SETBP1: variants seen among roughly 807,000 people sequenced by gnomAD.
The protein encoded by SETBP1 is SET-binding protein.
In SETBP1, 9 loss-of-function variants were observed where a neutral mutation model predicts 101.0. The ratio of observed to expected loss-of-function variants is 0.09; its 90% CI spans 0.05 to 0.16. SETBP1 has a LOEUF of 0.16. SETBP1 is among the 10% of genes least tolerant of loss of function. The probability of loss-of-function intolerance (pLI) is 1.00; values close to 1 mark genes in which losing one functional copy is unlikely to be tolerated. For missense variants in SETBP1, 1,858 were observed against 2,033.8 expected, an observed-to-expected ratio of 0.91 and a Z score of 1.66; for synonymous variants, 818 against 788.5, an observed-to-expected ratio of 1.04 and a Z score of -0.63.
intron 2 of SETBP1, among the ~76,000 whole-genome samples, chr18:44,819,870 A>G (rs748456689): frequency 6.6e-6 from 1 of 152,250 alleles, no homozygotes; most frequent in Non-Finnish European, 1.5e-5. Flanking sequence ...TCTTGAAGAC[A>G]AGGCAAATTG....
At chr18:44,876,817 G>T in intron 3 of SETBP1, 2 of 1,439,180 alleles carry the variant, frequency 1.4e-6, no homozygotes, top group South Asian at 1.6e-5. Context: ...TTCAACAATG[G>T]AGACTTGCCC....
intron 2 of SETBP1, among the ~76,000 whole-genome samples, chr18:44,762,646 T>C (rs1379216077): frequency 6.6e-6 from 1 of 152,156 alleles, no homozygotes; most frequent in African/African-American, 2.4e-5. Flanking sequence ...AGGCTGGGAA[T>C]GTGGGAGTGG....
intron 2 of SETBP1, among the ~76,000 whole-genome samples, chr18:44,710,689 A>G (rs1568102785): frequency 6.6e-6 from 1 of 152,132 alleles, no homozygotes; most frequent in Non-Finnish European, 1.5e-5. Flanking sequence ...TGACCTCGTG[A>G]TCTGCCCACC....
At chr18:44,882,260 T>C (rs1308064767) in intron 3 of SETBP1, among the ~76,000 whole-genome samples, 1 of 152,168 alleles carries the variant, frequency 6.6e-6, no homozygotes, top group Admixed American at 6.5e-5. Flanking sequence ...TGGCTGCCAC[T>C]ACTTTGAGGA....
chr18:44,770,434 T>G (rs2070847935), intron 2 of SETBP1, among the ~76,000 whole-genome samples: 1 of 152,236 alleles, frequency 6.6e-6, no homozygotes, highest in South Asian at 2.1e-4. Context: ...TTATTTGGTT[T>G]ATTTTTAACC....
Position 45,051,538 on chromosome 18 carries a change from C to A in SETBP1, c.4172-11541C>A, listed in dbSNP as rs111493912. Among the ~76,000 whole-genome samples the A allele has an allele frequency of 1.9e-3, 283 of 152,184 alleles. 1 individual carries two copies. Among genetic ancestry groups the A allele is most frequent in the Non-Finnish European group, 3.6e-3 (242 of 67,996 alleles). ...TATATGGGAAACCTCTGTCTCTGTA[C>A]CTTCAGTTTAATTTGGCTATGAATC... On this transcript the variant is annotated intron_variant, in intron 5 of 5. Transcript: ENST00000649279.
intron 3 of SETBP1, among the ~76,000 whole-genome samples, chr18:44,926,940 G>A (rs772894021): frequency 4.6e-5 from 7 of 152,104 alleles, no homozygotes; most frequent in Non-Finnish European, 7.4e-5. Context: ...TGGGCTTGCC[G>A]GGTGCCCAGA....
At chr18:44,812,877 T>G (rs1180622711) in intron 2 of SETBP1, among the ~76,000 whole-genome samples, 1 of 152,192 alleles carries the variant, frequency 6.6e-6, no homozygotes, top group African/African-American at 2.4e-5. Flanking sequence ...TTTCTCTTAT[T>G]TCAAGATTAT....
intron 4 of SETBP1, among the ~76,000 whole-genome samples, chr18:44,996,363 G>A (rs900155109): frequency 2.0e-5 from 3 of 152,230 alleles, no homozygotes; most frequent in Non-Finnish European, 4.4e-5. Flanking sequence ...TAGGAGAAGA[G>A]GAACTTGTGG....
At chr18:44,762,383 A>T (rs1295081210) in intron 2 of SETBP1, among the ~76,000 whole-genome samples, 1 of 152,174 alleles carries the variant, frequency 6.6e-6, no homozygotes, top group East Asian at 1.9e-4. Context: ...ACAGGTTTAC[A>T]TTTTGTTCAG....
At chr18:44,767,323 A>G (rs564331445) in intron 2 of SETBP1, among the ~76,000 whole-genome samples, 2 of 152,264 alleles carry the variant, frequency 1.3e-5, no homozygotes, top group East Asian at 1.9e-4. Flanking sequence ...GGCATCCATT[A>G]CTACAAAGAA....
chr18:45,023,941 A>G (rs1192185411), intron 4 of SETBP1, among the ~76,000 whole-genome samples: 1 of 152,230 alleles, frequency 6.6e-6, no homozygotes, highest in African/African-American at 2.4e-5. Context: ...TCAAATACCT[A>G]GTTAAGTGAC....
intron 4 of SETBP1, among the ~76,000 whole-genome samples, chr18:44,976,955 G>A (rs1449601132): frequency 6.6e-6 from 1 of 152,198 alleles, no homozygotes; most frequent in East Asian, 1.9e-4. Flanking sequence ...TCTCTAAAAT[G>A]GGGGAAAATT....
intron 2 of SETBP1, among the ~76,000 whole-genome samples, chr18:44,723,985 A>G (rs964099042): frequency 2.0e-5 from 3 of 152,200 alleles, no homozygotes; most frequent in African/African-American, 7.2e-5. Context: ...AGACAGAACT[A>G]TTAATTACAT....
intron 2 of SETBP1, among the ~76,000 whole-genome samples, chr18:44,809,501 T>A (rs1462623695): frequency 1.3e-5 from 2 of 152,164 alleles, no homozygotes; most frequent in Non-Finnish European, 2.9e-5. Context: ...TCCTTGGAAC[T>A]GTGAGGGGAA....
At chr18:44,899,812 C>T (rs2144824068) in intron 3 of SETBP1, among the ~76,000 whole-genome samples, 1 of 151,944 alleles carries the variant, frequency 6.6e-6, no homozygotes, top group East Asian at 1.9e-4. Context: ...TGACAAAATA[C>T]AAAAATATAT....
At chr18:45,052,195 G>A (rs550714557) in intron 5 of SETBP1, among the ~76,000 whole-genome samples, 5 of 152,334 alleles carry the variant, frequency 3.3e-5, no homozygotes, top group East Asian at 1.9e-4. Flanking sequence ...TAGAGTTTAC[G>A]AAGAGCGTTC....
intron 2 of SETBP1, among the ~76,000 whole-genome samples, chr18:44,803,454 A>G (rs1265738851): frequency 6.6e-6 from 1 of 152,138 alleles, no homozygotes; most frequent in Non-Finnish European, 1.5e-5. Flanking sequence ...CCAGGACAGA[A>G]TGTGCTTCTT....
chr18:44,878,321 A>C (rs931850438), intron 3 of SETBP1, among the ~76,000 whole-genome samples: 2 of 134,496 alleles, frequency 1.5e-5, no homozygotes, highest in African/African-American at 5.5e-5. Flanking sequence ...TTACATCTTC[A>C]GTTTTTCATT....
Sources: gnomAD v4.1 joint callset for allele counts (sites outside exome capture counted in the v4.1 genomes callset) on GRCh38, gnomAD v4.1.1 for gene constraint, MANE v1.5 for transcripts, NCBI Gene and HGNC (gene_info 2026-07-23, HGNC 2026-07-21) for gene names.